Variants in UTS2B observed in about 807,000 individuals in gnomAD.
UTS2B encodes the protein urotensin-2B.
In UTS2B, 21 loss-of-function variants were observed where a neutral mutation model predicts 19.2. The observed-to-expected ratio is 1.09, with a 90% confidence interval of 0.78 to 1.58. The LOEUF is 1.58. UTS2B is among the 40% of genes most tolerant of loss of function. The pLI, the probability that UTS2B is intolerant of heterozygous loss-of-function variation, is 0.00. For synonymous variants in UTS2B, 57 were observed against 50.2 expected, an observed-to-expected ratio of 1.14 and a Z score of -0.58; for missense variants, 138 against 130.3, an observed-to-expected ratio of 1.06 and a Z score of -0.29.
intron 2 of UTS2B, among the ~76,000 whole-genome samples, chr3:191,316,907 G>A (rs943232576): frequency 6.6e-6 from 1 of 152,250 alleles, no homozygotes. Flanking sequence ...AGACATAAAA[G>A]TTCTCCAAGT....
At chr3:191,312,293 CT>C (rs1223627914) in intron 3 of UTS2B, among the ~76,000 whole-genome samples, 1 of 150,994 alleles carries the variant, frequency 6.6e-6, no homozygotes, top group Non-Finnish European at 1.5e-5. Flanking sequence ...AGTATCAGCC[CT>C]GGAGGCGATG....
chr3:191,286,504 GT>G (rs1440334309), intron 4 of UTS2B, among the ~76,000 whole-genome samples: 2 of 152,048 alleles, frequency 1.3e-5, no homozygotes, highest in Non-Finnish European at 1.5e-5. Context: ...TTAAAAAAAT[GT>G]TTTCTACACA....
At chr3:191,309,547 G>C (rs1026249804) in intron 3 of UTS2B, among the ~76,000 whole-genome samples, 1 of 152,112 alleles carries the variant, frequency 6.6e-6, no homozygotes, top group Admixed American at 6.5e-5. Flanking sequence ...TTGGAAGACT[G>C]ATATGGTTTG....
chr3:191,301,555 C>T (rs1717000549), intron 4 of UTS2B, among the ~76,000 whole-genome samples: 4 of 138,250 alleles, frequency 2.9e-5, no homozygotes, highest in Middle Eastern at 4.5e-3. Flanking sequence ...GGTGTGATCT[C>T]GGCTTGCTGC....
intron 4 of UTS2B, among the ~76,000 whole-genome samples, chr3:191,284,917 C>G (rs1405925734): frequency 6.6e-5 from 10 of 152,204 alleles, no homozygotes; most frequent in African/African-American, 2.4e-4. Context: ...CACCACCACA[C>G]CAGTCTTACA....
chr3:191,312,151 CAAAAA>C (rs1217233342), intron 3 of UTS2B, among the ~76,000 whole-genome samples: 1 of 77,196 alleles, frequency 1.3e-5, no homozygotes, highest in Non-Finnish European at 2.7e-5. Context: ...GATTCTGTCT[CAAAAA>C]AAAAAAAAAA....
chr3:191,312,095 C>A (rs907767), intron 3 of UTS2B, among the ~76,000 whole-genome samples: 9,330 of 150,218 alleles, frequency 0.062, 955 homozygotes, highest in African/African-American at 0.22. Flanking sequence ...GAGGTTGCAG[C>A]GAGCCGAGGT....
intron 4 of UTS2B, among the ~76,000 whole-genome samples, chr3:191,285,370 C>A (rs1051779013): frequency 2.6e-5 from 4 of 152,054 alleles, no homozygotes; most frequent in African/African-American, 9.7e-5. Flanking sequence ...GGAATCAAAG[C>A]ATACCACTAG....
At chr3:191,303,594 T>C (rs1318613867) in intron 4 of UTS2B, among the ~76,000 whole-genome samples, 3 of 152,158 alleles carry the variant, frequency 2.0e-5, no homozygotes, top group Non-Finnish European at 4.4e-5. Context: ...CATGTGACTA[T>C]CATGTTACGA....
intron 8 of UTS2B, 30 bp downstream of exon 8, chr3:191,275,222 C>T: frequency 6.7e-7 from 1 of 1,498,868 alleles, no homozygotes; most frequent in Non-Finnish European, 9.1e-7. Context: ...TTTTGGAAGT[C>T]AATCTTAAAA....
intron 4 of UTS2B, among the ~76,000 whole-genome samples, chr3:191,295,981 T>C (rs1473323140): frequency 6.6e-6 from 1 of 152,180 alleles, no homozygotes; most frequent in Non-Finnish European, 1.5e-5. Flanking sequence ...AAGCTGTTAA[T>C]CTTTTGGAAA....
intron 5 of UTS2B, among the ~76,000 whole-genome samples, chr3:191,280,464 C>T (rs1483380674): frequency 1.3e-5 from 2 of 151,992 alleles, no homozygotes; most frequent in Admixed American, 6.6e-5. Context: ...TATTAGAAGA[C>T]TAAAAGAAGT....
intron 2 of UTS2B, among the ~76,000 whole-genome samples, chr3:191,321,998 G>A (rs1307642163): frequency 6.6e-6 from 1 of 152,150 alleles, no homozygotes; most frequent in Non-Finnish European, 1.5e-5. Context: ...TTGCACTCCA[G>A]CCTGGGTGAC....
At chr3:191,320,284 G>C (rs960784938) in intron 2 of UTS2B, among the ~76,000 whole-genome samples, 2 of 152,188 alleles carry the variant, frequency 1.3e-5, no homozygotes, top group African/African-American at 4.8e-5. Context: ...TTGGCATACA[G>C]GGTCTTTCTA....
At chr3:191,289,578 C>T (rs1716658597) in intron 4 of UTS2B, among the ~76,000 whole-genome samples, 1 of 151,988 alleles carries the variant, frequency 6.6e-6, no homozygotes, top group Non-Finnish European at 1.5e-5. Context: ...GGTATATATG[C>T]ACAATTGAAA....
At chr3:191,269,311 C>G (rs886229947) in intron 8 of UTS2B, among the ~76,000 whole-genome samples, 1 of 152,112 alleles carries the variant, frequency 6.6e-6, no homozygotes, top group Non-Finnish European at 1.5e-5. Context: ...CCAAATACAC[C>G]GTAGCCCCTG....
Position 191,292,362 on chromosome 3 carries a change from A to G in UTS2B, c.-124-10049T>C, listed in dbSNP as rs542679719. 3.9e-5 allele frequency among the ~76,000 whole-genome samples: 6 copies of G among 152,198 alleles called. No homozygotes were observed. In the East Asian group the frequency reaches 1.2e-3, roughly 29 times the overall value. On this transcript the variant is annotated intron_variant, in intron 4 of 8. Transcript: ENST00000340524. Reference sequence around the variant, plus strand: ...CTAAATATGTTATATTTTTGATGCTATTTCAAGTGGAATTACTTTCTTAAT... The same window carrying G: ...CTAAATATGTTATATTTTTGATGCTGTTTCAAGTGGAATTACTTTCTTAAT...
At chr3:191,272,232 G>A (rs571100787) in intron 8 of UTS2B, among the ~76,000 whole-genome samples, 3 of 152,304 alleles carry the variant, frequency 2.0e-5, no homozygotes, top group Admixed American at 6.5e-5. Flanking sequence ...GTTTGATAAC[G>A]TGAAGTGAGG....
At position 191,268,444 on chromosome 3, in the gene UTS2B, A is replaced by G. The variant is rs1455957113; in HGVS notation, c.335-3T>C. 6.4e-7 allele frequency: 1 copy of G among 1,555,712 alleles called. No homozygotes were observed. The highest frequency in any genetic ancestry group is 2.3e-5 in the East Asian group (1 of 44,078). On this transcript the variant is annotated splice_region_variant and splice_polypyrimidine_tract_variant and intron_variant, in intron 8 of 8. Coordinates refer to ENST00000340524, the MANE Select transcript of UTS2B (RefSeq NM_198152.5). ...AACACAGTATTTCCAAAAGCAAGCTAAAGAAGAAAACAAAATACATTTTTT... is the reference window on the plus strand; with the variant it reads ...AACACAGTATTTCCAAAAGCAAGCTGAAGAAGAAAACAAAATACATTTTTT...
Sources: gnomAD v4.1 joint callset for allele counts (sites outside exome capture counted in the v4.1 genomes callset) on GRCh38, gnomAD v4.1.1 for gene constraint, MANE v1.5 for transcripts, NCBI Gene and HGNC (gene_info 2026-07-23, HGNC 2026-07-21) for gene names.